RIMKLB: variants seen among roughly 807,000 people sequenced by gnomAD.
RIMKLB encodes the protein beta-citrylglutamate synthase B.
A neutral mutation model predicts 32.0 loss-of-function variants in RIMKLB; 7 were observed. The ratio of observed to expected loss-of-function variants is 0.22; its 90% CI spans 0.12 to 0.41. The LOEUF is 0.41. Among genes scored for constraint, RIMKLB ranks in the 10% least tolerant of loss-of-function variants. The pLI, the probability that RIMKLB is intolerant of heterozygous loss-of-function variation, is 1.00. For synonymous variants in RIMKLB, 172 were observed against 185.1 expected (o/e 0.93, Z 0.57); for missense variants, 289 against 498.7 (o/e 0.58, Z 4.00).
chr12:8,781,915 A>G (rs746893333), downstream of RIMKLB, among the ~76,000 whole-genome samples: 1 of 152,232 alleles, frequency 6.6e-6, no homozygotes, highest in African/African-American at 2.4e-5. Context: ...CCAACTACTT[A>G]TTTAACTATA....
chr12:8,773,505 T>C lies in RIMKLB; in HGVS notation c.882T>C (p.Asp294=). Residue 294 remains aspartate, a synonymous_variant, in exon 6 of 6, where the codon GAT becomes GAC. Coordinates refer to ENST00000535829, the MANE Select transcript of RIMKLB (RefSeq NM_001297776.2). ...FIAFDKACNL[D]VAGIIADYAA... ...CCTTTGATAAGGCTTGTAATCTAGA[T>C]GTAGCTGGTATCATAGCAGACTATG... The C allele has an allele frequency of 6.2e-7, 1 of 1,614,276 alleles. No individual in the cohort carries two copies. Among genetic ancestry groups the C allele is most frequent in the South Asian group, 1.1e-5 (1 of 91,092 alleles).
chr12:8,773,089 T>C (rs1167382424), intron 5 of RIMKLB, among the ~76,000 whole-genome samples: 1 of 134,240 alleles, frequency 7.4e-6, no homozygotes, highest in Non-Finnish European at 1.5e-5. Flanking sequence ...GCAAGTAAGA[T>C]AGACTTGGAA....
chr12:8,733,630 T>C (rs1946742591), intron 2 of RIMKLB, among the ~76,000 whole-genome samples: 1 of 152,226 alleles, frequency 6.6e-6, no homozygotes, highest in Admixed American at 6.5e-5. Context: ...CCCAGCACTT[T>C]GGGAGGCCAA....
intron 2 of RIMKLB, among the ~76,000 whole-genome samples, chr12:8,724,109 C>G (rs1945748831): frequency 6.6e-6 from 1 of 152,112 alleles, no homozygotes; most frequent in Admixed American, 6.6e-5. Context: ...TGTGAGCCAC[C>G]ACACCTGGCC....
intron 5 of RIMKLB, among the ~76,000 whole-genome samples, chr12:8,761,607 G>T (rs924282644): frequency 6.6e-6 from 1 of 152,086 alleles, no homozygotes; most frequent in African/African-American, 2.4e-5. Flanking sequence ...CTTTTAGTGA[G>T]CCCTGTTTAC....
intron 1 of RIMKLB, among the ~76,000 whole-genome samples, chr12:8,708,494 A>AT (rs1944093799): frequency 6.6e-6 from 1 of 152,154 alleles, no homozygotes; most frequent in Non-Finnish European, 1.5e-5. Context: ...TTTGTAATGT[A>AT]TTTTGAGATT....
At chr12:8,769,796 TAATG>T (rs1435321661) in intron 5 of RIMKLB, among the ~76,000 whole-genome samples, 1 of 152,168 alleles carries the variant, frequency 6.6e-6, no homozygotes, top group Non-Finnish European at 1.5e-5. Flanking sequence ...ATCATAATAA[TAATG>T]AAGTCTTTGG....
chr12:8,757,357 A>G (rs1353675260), intron 5 of RIMKLB, among the ~76,000 whole-genome samples: 4 of 151,612 alleles, frequency 2.6e-5, no homozygotes, highest in African/African-American at 9.7e-5. Context: ...GAGAGACCCC[A>G]TCTCTATAAA....
At chr12:8,772,314 A>G (rs1203670578) in intron 5 of RIMKLB, among the ~76,000 whole-genome samples, 1 of 152,204 alleles carries the variant, frequency 6.6e-6, no homozygotes, top group Non-Finnish European at 1.5e-5. Flanking sequence ...TTAGTTGAGT[A>G]ATCATGTTTT....
intron 2 of RIMKLB, among the ~76,000 whole-genome samples, chr12:8,730,260 A>C (rs187352989): frequency 7.5e-4 from 114 of 152,176 alleles, no homozygotes; most frequent in African/African-American, 2.6e-3. Context: ...TAATTATTTT[A>C]TTTTATTTTT....
intron 2 of RIMKLB, among the ~76,000 whole-genome samples, chr12:8,737,998 GC>G: frequency 6.6e-6 from 1 of 152,314 alleles, no homozygotes; most frequent in Non-Finnish European, 1.5e-5. Flanking sequence ...ACAGGTGTGA[GC>G]CACTGCGCCT....
chr12:8,710,307 CTT>C (rs762963381), intron 1 of RIMKLB, among the ~76,000 whole-genome samples: 3,404 of 125,514 alleles, frequency 0.027, 130 homozygotes, highest in African/African-American at 0.099. Context: ...TTGTTTCCTT[CTT>C]TTTTTTTTTT....
chr12:8,754,230 T>G, intron 5 of RIMKLB, 137 bp downstream of exon 5: 1 of 641,054 alleles, frequency 1.6e-6, no homozygotes, highest in South Asian at 1.9e-5. Flanking sequence ...ATATGATTTT[T>G]ACACATGCCA....
chr12:8,671,120 C>T, the RIMKLB span, among the ~76,000 whole-genome samples: 4 of 152,144 alleles, frequency 2.6e-5, no homozygotes, highest in Non-Finnish European at 5.9e-5. Context: ...ATGGGAGGGG[C>T]TGCCATGAAG....
intron 1 of RIMKLB, among the ~76,000 whole-genome samples, chr12:8,684,420 G>A (rs750005141): frequency 1.4e-4 from 21 of 151,702 alleles, no homozygotes; most frequent in African/African-American, 3.4e-4. Context: ...TGATCCACCC[G>A]CCCCCGCCTC....
chr12:8,703,521 G>A (rs951735369), intron 1 of RIMKLB, among the ~76,000 whole-genome samples: 1 of 151,948 alleles, frequency 6.6e-6, no homozygotes, highest in African/African-American at 2.4e-5. Flanking sequence ...TTTTTGTAGA[G>A]ATGAGACCCC....
At chr12:8,707,415 G>C (rs1243801036) in intron 1 of RIMKLB, among the ~76,000 whole-genome samples, 9 of 152,216 alleles carry the variant, frequency 5.9e-5, no homozygotes, top group Admixed American at 5.9e-4. Context: ...CTAGGGCAAA[G>C]TATGGAAAAG....
At chr12:8,778,176 CAGTG>C (rs1283258070), downstream of RIMKLB, among the ~76,000 whole-genome samples, 2 of 152,104 alleles carry the variant, frequency 1.3e-5, no homozygotes, top group Admixed American at 6.6e-5. Flanking sequence ...TCCGAATACA[CAGTG>C]AGCTCACAGT....
intron 2 of RIMKLB, among the ~76,000 whole-genome samples, chr12:8,719,857 A>C (rs758583030): frequency 9.9e-5 from 15 of 152,250 alleles, no homozygotes; most frequent in Non-Finnish European, 1.8e-4. Context: ...AAGGTTGTGG[A>C]TACAAGGATG....
Sources: allele counts gnomAD v4.1 joint callset (sites outside exome capture counted in the v4.1 genomes callset), GRCh38; gene constraint gnomAD v4.1.1; transcripts MANE v1.5; gene names NCBI Gene and HGNC (gene_info 2026-07-23, HGNC 2026-07-21).